The following ZMYM6 variants were observed in gnomAD, a reference collection of about 807,000 sequenced individuals.
ZMYM6 encodes the protein zinc finger MYM-type containing 6.
Under a neutral mutation model 134.0 loss-of-function variants are expected in ZMYM6, and 90 were observed. That is an observed-to-expected ratio of 0.67 (90% CI 0.57 to 0.80). ZMYM6 has a LOEUF of 0.80. Among genes scored for constraint, ZMYM6 ranks in the 30% least tolerant of loss-of-function variants. The pLI is 0.00. For synonymous variants in ZMYM6, 481 were observed against 524.1 expected (o/e 0.92, Z 1.12); for missense variants, 1,362 against 1,533.9 (o/e 0.89, Z 1.87).
Position 34,987,990 on chromosome 1 carries a change from A to C in ZMYM6, c.3092T>G (p.Leu1031Trp). 1 of 1,551,344 alleles carries C rather than the reference A, an allele frequency of 6.4e-7. No homozygotes were observed. Among genetic ancestry groups the C allele is most frequent in the Non-Finnish European group, 8.7e-7 (1 of 1,146,882 alleles). Residue 1031 changes from leucine (L) to tryptophan (W), a missense_variant, in exon 16 of 16, where the codon TTG becomes TGG. Physicochemically the swap from Leu to Trp is moderately conservative, Grantham distance 61 (BLOSUM62 -2). Coordinates refer to ENST00000357182, the MANE Select transcript of ZMYM6 (RefSeq NM_007167.4). The stretch of plus-strand genomic sequence containing the variant: ...AAAACTTAAAATTTGTGCTGACTGC[A>C]AAAGAATTTTATGTAAACATGGAGA... ...KLSPCLHKIL[L>W]QSAQILSFIK...
At chr1:35,011,160 C>T in intron 8 of ZMYM6, 124 bp from the exon 9 acceptor site, 1 of 1,024,246 alleles carries the variant, frequency 9.8e-7, no homozygotes, top group Non-Finnish European at 1.4e-6. Flanking sequence ...TTCTATCTCA[C>T]AGAAAGAGTT....
At chr1:35,013,744 T>G in intron 6 of ZMYM6, 1 of 881,982 alleles carries the variant, frequency 1.1e-6, no homozygotes, top group Non-Finnish European at 1.4e-6. Context: ...CAGGCTGGAC[T>G]GCAGTGGCAC....
intron 8 of ZMYM6, 53 bp from the exon 9 acceptor site, chr1:35,011,089 T>A: frequency 6.5e-7 from 1 of 1,534,396 alleles, no homozygotes; most frequent in Non-Finnish European, 8.8e-7. Context: ...ATAAGATAAC[T>A]TTGTACTTTT....
rs559390033 is a variant in ZMYM6, at chr1:35,008,740, T to A, written c.1665+12A>T. On this transcript the variant is annotated intron_variant, in intron 11 of 15. Transcript: ENST00000357182. Reference sequence around the variant, plus strand: ...TTTCAGAAAGCCAAAAAAAGTATATTATCACATTTACCTGATAAAACAGAA... The same window carrying A: ...TTTCAGAAAGCCAAAAAAAGTATATAATCACATTTACCTGATAAAACAGAA... The A allele has an allele frequency of 6.2e-7, 1 of 1,602,636 alleles. No individual in the cohort carries two copies. Among genetic ancestry groups the A allele is most frequent in the African/African-American group, 1.3e-5 (1 of 74,336 alleles).
At chr1:35,014,517 A>G (rs571571624) in intron 6 of ZMYM6, among the ~76,000 whole-genome samples, 180 bp downstream of exon 6, 2 of 152,304 alleles carry the variant, frequency 1.3e-5, no homozygotes, top group South Asian at 2.1e-4. Context: ...TATTTTACCT[A>G]TATCAACTTA....
intron 14 of ZMYM6, among the ~76,000 whole-genome samples, chr1:35,001,934 T>C (rs949046710): frequency 3.9e-5 from 6 of 152,114 alleles, no homozygotes; most frequent in Non-Finnish European, 8.8e-5. Context: ...TTTTTCTTTC[T>C]TTTTTTTATC....
At position 34,987,233 on chromosome 1, in the gene ZMYM6, T is replaced by C; in HGVS notation, c.3849A>G (p.Leu1283=). 1.9e-6 allele frequency: 3 copies of C among 1,613,860 alleles called. No homozygotes were observed. The South Asian group carries it at 3.3e-5, about 18-fold the overall frequency. Residue 1283 remains leucine (L), a synonymous_variant, in exon 16 of 16, where the codon TTA becomes TTG. Transcript: ENST00000357182. ...KFLLPFSTVY[L]CDAAFSALTE... is the part of the protein sequence containing the mutation. ...TCAAAGCTGAAAAGGCAGCATCACA[T>C]AAATAAACAGTTGAAAAGGGTAATA...
At chr1:35,003,375 CTTTTAA>C (rs2148449031) in intron 14 of ZMYM6, among the ~76,000 whole-genome samples, 1 of 152,228 alleles carries the variant, frequency 6.6e-6, no homozygotes, top group South Asian at 2.1e-4. Flanking sequence ...TTGAACGTTT[CTTTTAA>C]TTTTGAGAAG....
At chr1:35,031,316 G>A (rs1641519647) in intron 1 of ZMYM6, 1 of 152,222 alleles carries the variant, frequency 6.6e-6, no homozygotes. Context: ...GCCCCTCAGA[G>A]CCCCGCTTCA....
chr1:34,997,557 G>C (rs780710020), intron 14 of ZMYM6, among the ~76,000 whole-genome samples: 2 of 152,000 alleles, frequency 1.3e-5, no homozygotes, highest in Admixed American at 1.3e-4. Context: ...TGCCCACCTC[G>C]GCCTCCCAAA....
rs1640942266 is a variant in ZMYM6 at position 35,005,058 on chromosome 1, A to G, written c.1954+74T>C. The G allele has an allele frequency of 5.1e-6, 8 of 1,566,060 alleles. No homozygotes were observed. In the South Asian group the frequency reaches 8.2e-5, roughly 16 times the overall value. On this transcript the variant is annotated intron_variant, in intron 13 of 15. Transcript: ENST00000357182. ...GGGCAACAAGAGTGAAACTGTCTCA[A>G]AAAGAGAGAACTACTTAGGCTAGAC...
intron 4 of ZMYM6, chr1:35,019,068 G>T: frequency 1.9e-6 from 1 of 519,668 alleles, no homozygotes; most frequent in Non-Finnish European, 3.4e-6. Flanking sequence ...TTAAATGGTG[G>T]GTGTCTACAA....
Position 35,007,015 on chromosome 1 carries a change from G to A in ZMYM6, c.1749C>T (p.Asn583=). The change falls in exon 12 of 16, where the codon AAC becomes AAT. Residue 583 remains asparagine (N), a synonymous_variant. Coordinates refer to ENST00000357182, the MANE Select transcript of ZMYM6 (RefSeq NM_007167.4). ...KWRGNIKHFC[N]LFCVLEFCHQ... is the part of the protein sequence containing the mutation. ...GACAAAACTCCAAGACACAAAATAG[G>A]TTACAGAAATGTTTAATGTTGCCTC... 6.2e-7 allele frequency: 1 copy of A among 1,613,480 alleles called. No homozygotes were observed.
chr1:35,010,929 T>G lies in ZMYM6; in HGVS notation c.1170A>C (p.Gly390=). The part of the protein sequence containing the change: ...PSSRSAVSIG[G]GNTSAVSPSS... ...TGGGGGAAACGGCAGAGGTGTTACC[T>G]CCTCCTATTGACACTGCTGACCTGG... The change falls in exon 9 of 16, where the codon GGA becomes GGC. Residue 390 remains glycine, a synonymous_variant. Coordinates refer to ENST00000357182, the MANE Select transcript of ZMYM6 (RefSeq NM_007167.4). 1.2e-6 allele frequency: 2 copies of G among 1,612,606 alleles called. No individual in the cohort carries two copies. The highest frequency in any genetic ancestry group is 1.7e-6 in the Non-Finnish European group (2 of 1,179,478).
intron 14 of ZMYM6, among the ~76,000 whole-genome samples, chr1:35,002,524 G>GC (rs1640897407): frequency 6.6e-6 from 1 of 152,192 alleles, no homozygotes; most frequent in Non-Finnish European, 1.5e-5. Context: ...CATTATGGCA[G>GC]CACTGATCTT....
intron 14 of ZMYM6, among the ~76,000 whole-genome samples, chr1:34,999,978 T>C (rs1640851838): frequency 6.6e-6 from 1 of 152,176 alleles, no homozygotes; most frequent in Admixed American, 6.5e-5. Context: ...ACCCAGGTTG[T>C]AGTGCAATGG....
intron 15 of ZMYM6, among the ~76,000 whole-genome samples, chr1:34,990,782 A>G (rs1349202160): frequency 6.6e-6 from 1 of 152,230 alleles, no homozygotes; most frequent in East Asian, 1.9e-4. Flanking sequence ...CTCAATGTAT[A>G]TTTAAATTTA....
chr1:35,017,044 T>C (rs1409329507), intron 4 of ZMYM6, among the ~76,000 whole-genome samples: 1 of 151,720 alleles, frequency 6.6e-6, no homozygotes, highest in African/African-American at 2.4e-5. Flanking sequence ...TAAGGTTAAG[T>C]ATTACTGTAA....
chr1:34,993,347 G>A (rs371803943), intron 14 of ZMYM6, among the ~76,000 whole-genome samples: 205 of 152,092 alleles, frequency 1.3e-3, no homozygotes, highest in African/African-American at 4.7e-3. Flanking sequence ...TCCTGACCTC[G>A]TGATCCGCCC....
Sources: allele counts gnomAD v4.1 joint callset (sites outside exome capture counted in the v4.1 genomes callset), GRCh38; gene constraint gnomAD v4.1.1; transcripts MANE v1.5; gene names NCBI Gene and HGNC (gene_info 2026-07-23, HGNC 2026-07-21).